Variants in PRKX observed in about 807,000 individuals in gnomAD.
PRKX encodes the protein protein kinase cAMP-dependent X-linked catalytic subunit.
In PRKX, 12 loss-of-function variants were observed where a neutral mutation model predicts 22.0. That is an observed-to-expected ratio of 0.54 (90% CI 0.35 to 0.88). The LOEUF is 0.88. Ranked by LOEUF, PRKX falls within the 40% of genes least tolerant of loss-of-function variation. PRKX has a pLI of 0.01. For missense variants in PRKX, 217 were observed against 308.0 expected, an observed-to-expected ratio of 0.70 and a Z score of 2.21; for synonymous variants, 134 against 137.7, an observed-to-expected ratio of 0.97 and a Z score of 0.19.
At chrX:3,677,535 GGA>G (rs1927989495) in intron 1 of PRKX, among the ~76,000 whole-genome samples, 1 of 107,437 alleles carries the variant, frequency 9.3e-6, no homozygotes, top group Non-Finnish European at 1.9e-5. Context: ...GGTTTGAGAA[GGA>G]AAAAAAAAGA....
chrX:3,674,609 G>A lies in PRKX; in HGVS notation c.324C>T (p.Phe108=). ...AGGAGGGGACTCACAGCCTGATGAG[G>A]AACGGGTGGCTGACTTCCTTCAGGA... ...KSVLKEVSHP[F]LIRLFWTWHD... Residue 108 remains phenylalanine, a synonymous_variant, in exon 2 of 9, where the codon TTC becomes TTT. Transcript: ENST00000262848. The A allele has an allele frequency of 1.7e-6, 2 of 1,211,603 alleles. No homozygotes were observed. Among genetic ancestry groups the A allele is most frequent in the Non-Finnish European group, 2.2e-6 (2 of 895,410 alleles).
Position 3,696,999 on chromosome X carries a change from G to A in PRKX, c.166+16089C>T, listed in dbSNP as rs184515722. On this transcript the variant is annotated intron_variant, in intron 1 of 8. Transcript: ENST00000262848. ...TGCATCACTGCACTCCAGCCTGGGC[G>A]ACAGAGCAAGACTGTCTCAAAAACA... Among the ~76,000 whole-genome samples, 7 of 108,414 alleles carry A rather than the reference G, an allele frequency of 6.5e-5. No individual in the cohort carries two copies. The East Asian group carries it at 8.4e-4, about 13-fold the overall frequency. The allele number at this position is 108,414 out of a possible 115,157, so 94.1% of individuals were successfully genotyped here. A position where few individuals can be genotyped will look rare whatever the true frequency, so the allele number is the denominator to read the frequency against.
intron 1 of PRKX, among the ~76,000 whole-genome samples, chrX:3,681,390 A>G (rs1429463143): frequency 9.1e-6 from 1 of 110,074 alleles, no homozygotes; most frequent in Non-Finnish European, 1.9e-5. Flanking sequence ...AGTAGCTCAC[A>G]CCTGTAATCC....
chrX:3,650,243 G>C lies in PRKX; in HGVS notation c.599+4906C>G, dbSNP rs777808198. On this transcript the variant is annotated intron_variant, in intron 3 of 8. Coordinates refer to ENST00000262848, the MANE Select transcript of PRKX (RefSeq NM_005044.5). ...CCCCATGCTATAAGAGAAAAATGGC[G>C]GGGCACGGTGGCTCACGCCTGTAAT... 1.2e-4 allele frequency among the ~76,000 whole-genome samples: 13 copies of C among 110,881 alleles called. No homozygotes were observed. The South Asian group carries it at 2.7e-3, about 23-fold the overall frequency.
chrX:3,633,195 G>A (rs777883581), intron 4 of PRKX, among the ~76,000 whole-genome samples: 2 of 106,652 alleles, frequency 1.9e-5, no homozygotes, highest in Admixed American at 1.0e-4. Flanking sequence ...CGAGGCTTCA[G>A]TAAGCTATGA....
intron 1 of PRKX, among the ~76,000 whole-genome samples, chrX:3,709,610 G>T (rs1235368827): frequency 9.0e-6 from 1 of 111,157 alleles, no homozygotes; most frequent in African/African-American, 3.3e-5. Flanking sequence ...GATGCCAAAT[G>T]ATTCCATAAG....
At chrX:3,614,648 G>C (rs1926379852) in intron 7 of PRKX, among the ~76,000 whole-genome samples, 1 of 111,438 alleles carries the variant, frequency 9.0e-6, no homozygotes, top group Admixed American at 9.6e-5. Flanking sequence ...GGGATGAAGG[G>C]GAGATGAAGA....
intron 2 of PRKX, among the ~76,000 whole-genome samples, chrX:3,658,689 C>T (rs1927530999): frequency 9.0e-6 from 1 of 110,963 alleles, no homozygotes; most frequent in Admixed American, 9.6e-5. Flanking sequence ...GAATCAGGAG[C>T]ATAAAGGTCT....
At chrX:3,622,858 CA>C (rs1018037150) in intron 5 of PRKX, among the ~76,000 whole-genome samples, 2 of 111,585 alleles carry the variant, frequency 1.8e-5, no homozygotes, top group African/African-American at 3.3e-5. Context: ...TCAAGGTTAT[CA>C]AACACTATAC....
intron 4 of PRKX, chrX:3,641,369 CCT>C (rs1927075408): frequency 8.4e-6 from 1 of 119,535 alleles, no homozygotes; most frequent in Non-Finnish European, 1.7e-5. Context: ...CCTGTGCCCC[CCT>C]GAGCTCTGCA....
intron 4 of PRKX, among the ~76,000 whole-genome samples, chrX:3,635,000 A>G (rs1926858998): frequency 8.9e-6 from 1 of 112,722 alleles, no homozygotes; most frequent in South Asian, 3.7e-4. Flanking sequence ...CACCATGTCC[A>G]GCCTGAATGG....
intron 1 of PRKX, among the ~76,000 whole-genome samples, chrX:3,693,914 TGGAC>T (rs1417620473): frequency 3.5e-5 from 3 of 84,731 alleles, no homozygotes; most frequent in Non-Finnish European, 6.5e-5. Flanking sequence ...CACTCCAGCC[TGGAC>T]AACAGAGGGA....
intron 1 of PRKX, among the ~76,000 whole-genome samples, chrX:3,700,553 CTTTT>C (rs200000195): frequency 6.4e-5 from 7 of 108,679 alleles, no homozygotes; most frequent in African/African-American, 2.0e-4. Context: ...TTTTTCTTCT[CTTTT>C]TTTTTCCTTC....
chrX:3,700,286 C>G (rs1225450888), intron 1 of PRKX, among the ~76,000 whole-genome samples: 2 of 111,864 alleles, frequency 1.8e-5, no homozygotes, highest in Non-Finnish European at 3.8e-5. Flanking sequence ...AAAGAAAAAC[C>G]AGAGCAAAAC....
chrX:3,678,180 G>C (rs1928003502), intron 1 of PRKX, among the ~76,000 whole-genome samples: 2 of 112,204 alleles, frequency 1.8e-5, no homozygotes, highest in Non-Finnish European at 3.8e-5. Flanking sequence ...ATGGGCAACA[G>C]AGTAACCTTT....
intron 1 of PRKX, among the ~76,000 whole-genome samples, chrX:3,688,623 A>G (rs371398452): frequency 9.0e-6 from 1 of 110,701 alleles, no homozygotes; most frequent in African/African-American, 3.3e-5. Context: ...AGCACTTTAG[A>G]AGGCTGAAGC....
chrX:3,648,606 CTG>C (rs58698248), intron 3 of PRKX, among the ~76,000 whole-genome samples: 4,423 of 72,041 alleles, frequency 0.061, 146 homozygotes, highest in Middle Eastern at 0.083. Context: ...CTCTCTACTC[CTG>C]TGTGTGTGTG....
chrX:3,627,194 C>T (rs1243710595), intron 4 of PRKX, among the ~76,000 whole-genome samples: 3 of 109,097 alleles, frequency 2.7e-5, no homozygotes, highest in Non-Finnish European at 5.7e-5. Flanking sequence ...CCAGTCTGGC[C>T]GACATGGTGA....
chrX:3,689,571 C>A (rs904993333), intron 1 of PRKX, among the ~76,000 whole-genome samples: 2 of 111,483 alleles, frequency 1.8e-5, no homozygotes, highest in African/African-American at 6.5e-5. Flanking sequence ...TCCAAGTTAC[C>A]TGGGAAGCTG....
Sources: gnomAD v4.1 joint callset for allele counts (sites outside exome capture counted in the v4.1 genomes callset) on GRCh38, gnomAD v4.1.1 for gene constraint, MANE v1.5 for transcripts, NCBI Gene and HGNC (gene_info 2026-07-23, HGNC 2026-07-21) for gene names.